Variants in CCAR1 observed in about 807,000 individuals in gnomAD.
CCAR1 encodes the protein cell division cycle and apoptosis regulator 1.
CCAR1 carries 78 observed loss-of-function variants against 163.8 expected under a neutral mutation model. The observed-to-expected ratio is 0.48, with a 90% CI of 0.40 to 0.57. The LOEUF is 0.57. Ranked by LOEUF, CCAR1 falls within the 20% of genes least tolerant of loss-of-function variation. CCAR1 has a pLI of 0.00. For missense variants in CCAR1, 1,019 were observed against 1,365.2 expected, an observed-to-expected ratio of 0.75 and a Z score of 4.00; for synonymous variants, 443 against 460.7, an observed-to-expected ratio of 0.96 and a Z score of 0.49.
intron 6 of CCAR1, among the ~76,000 whole-genome samples, 193 bp downstream of exon 6, chr10:68,742,762 T>C (rs1355158552): frequency 6.6e-6 from 1 of 151,838 alleles, no homozygotes; most frequent in Non-Finnish European, 1.5e-5. Flanking sequence ...ATGACAGGCG[T>C]GCACCACCAC....
chr10:68,736,122 G>A (rs2056106669), intron 2 of CCAR1, among the ~76,000 whole-genome samples: 1 of 151,924 alleles, frequency 6.6e-6, no homozygotes, highest in Non-Finnish European at 1.5e-5. Flanking sequence ...CAGAGTTCTG[G>A]GATTGCAAGC....
chr10:68,748,150 G>A (rs565412662), intron 8 of CCAR1, among the ~76,000 whole-genome samples: 9 of 152,258 alleles, frequency 5.9e-5, no homozygotes, highest in East Asian at 3.9e-4. Context: ...CGCTGCACCC[G>A]GTCCAGACGT....
rs552491855 is a variant in CCAR1, at chr10:68,769,757, C to T, written c.2299-1449C>T. On this transcript the variant is annotated intron_variant, in intron 17 of 24. Coordinates refer to ENST00000265872, the MANE Select transcript of CCAR1 (RefSeq NM_018237.4). ...GAGATCGAGACCATCCTGGCTAACA[C>T]GGTGAAACCTCGTCTCTACTAAAAA... 1.0e-4 allele frequency among the ~76,000 whole-genome samples: 15 copies of T among 150,656 alleles called. No homozygotes were observed. The East Asian group carries it at 1.2e-3, about 12-fold the overall frequency.
At position 68,749,772 on chromosome 10, in the gene CCAR1, G is replaced by C. The variant is rs116343130; in HGVS notation, c.1118+87G>C. ...TGTCACAGAGGTATTTTTCTTGCAA[G>C]ATTGATTTCCCGACAGTTAGTGTTC... On this transcript the variant is annotated intron_variant, in intron 10 of 24. Coordinates refer to ENST00000265872, the MANE Select transcript of CCAR1 (RefSeq NM_018237.4). 714 of 1,191,252 alleles carry C rather than the reference G, an allele frequency of 6.0e-4. 3 individuals carry two copies. The African/African-American group carries it at 9.5e-3, about 16-fold the overall frequency. The allele number at this position is 1,191,252 out of a possible 1,614,324, so 73.8% of individuals were successfully genotyped here.
At chr10:68,721,471 C>G (rs906549884) in intron 1 of CCAR1, 189 bp downstream of exon 1, 3 of 387,520 alleles carry the variant, frequency 7.7e-6, no homozygotes, top group South Asian at 1.8e-5. Context: ...GGAGCAGGCC[C>G]GGCGCGGCCA....
chr10:68,772,905 G>T, intron 18 of CCAR1, 83 bp from the exon 19 acceptor site: 2 of 649,808 alleles, frequency 3.1e-6, no homozygotes, highest in South Asian at 4.4e-5. Flanking sequence ...GAGCCCACGG[G>T]TTGGAGACCA....
chr10:68,748,891 T>G (rs1242338063), intron 8 of CCAR1, among the ~76,000 whole-genome samples: 4 of 152,130 alleles, frequency 2.6e-5, no homozygotes, highest in Non-Finnish European at 4.4e-5. Context: ...TTGCCAGAGC[T>G]GGTGTTGAAC....
Position 68,747,560 on chromosome 10 carries a change from C to A in CCAR1, c.820C>A (p.Gln274Lys). 6.2e-7 allele frequency: 1 copy of A among 1,606,850 alleles called. No homozygotes were observed. Among genetic ancestry groups the A allele is most frequent in the Admixed American group, 1.7e-5 (1 of 58,450 alleles). The part of the protein sequence containing the change: ...QPQPLLQQPQ[Q>K]KAGLLQPPVR... Reference sequence around the variant, plus strand: ...ACAGCCCTTATTACAGCAGCCTCAGCAAAAAGGTATCTTTGCTTTTGTTTC... The same window carrying A: ...ACAGCCCTTATTACAGCAGCCTCAGAAAAAAGGTATCTTTGCTTTTGTTTC... Residue 274 changes from glutamine to lysine, a missense_variant, in exon 8 of 25, where the codon CAA becomes AAA. Gln to Lys is a moderately conservative substitution (Grantham distance 53). Around this residue, in one of 4 missense-constraint regions of CCAR1, gnomAD observed 644 missense variants for 904.4 expected, o/e 0.71. Transcript: ENST00000265872.
chr10:68,731,072 A>G (rs1489014059), intron 2 of CCAR1, among the ~76,000 whole-genome samples: 1 of 152,112 alleles, frequency 6.6e-6, no homozygotes, highest in Non-Finnish European at 1.5e-5. Context: ...ACATAGTGAT[A>G]AGTATCTATT....
At chr10:68,766,280 G>A (rs1488520206) in intron 17 of CCAR1, among the ~76,000 whole-genome samples, 1 of 151,964 alleles carries the variant, frequency 6.6e-6, no homozygotes, top group East Asian at 1.9e-4. Context: ...GTGGCTCACT[G>A]CAACCTCTGT....
chr10:68,749,760 T>C, intron 10 of CCAR1, 75 bp downstream of exon 10: 3 of 1,299,612 alleles, frequency 2.3e-6, no homozygotes, highest in East Asian at 2.3e-5. Context: ...CACAGAGGTA[T>C]TTTTCTTGCA....
intron 8 of CCAR1, 66 bp downstream of exon 8, chr10:68,747,632 T>A: frequency 7.1e-7 from 1 of 1,415,116 alleles, no homozygotes; most frequent in Non-Finnish European, 9.7e-7. Context: ...ACTATGCTTT[T>A]AATTACAAAA....
chr10:68,729,011 C>G (rs1448308830), intron 2 of CCAR1, among the ~76,000 whole-genome samples: 1 of 151,340 alleles, frequency 6.6e-6, no homozygotes, highest in African/African-American at 2.4e-5. Context: ...TAAGCATGTG[C>G]TACATCTGCT....
intron 19 of CCAR1, among the ~76,000 whole-genome samples, chr10:68,777,996 G>A (rs552945307): frequency 1.2e-4 from 18 of 152,192 alleles, no homozygotes; most frequent in African/African-American, 2.2e-4. Context: ...CAAGGCAGGC[G>A]GATCACAAGG....
intron 4 of CCAR1, among the ~76,000 whole-genome samples, chr10:68,739,316 A>C (rs1295678924): frequency 6.6e-6 from 1 of 151,962 alleles, no homozygotes; most frequent in Non-Finnish European, 1.5e-5. Flanking sequence ...GGCCCGCCTA[A>C]TTTTTTCTAT....
intron 11 of CCAR1, 109 bp downstream of exon 11, chr10:68,754,186 C>T (rs751329176): frequency 3.2e-5 from 22 of 677,384 alleles, no homozygotes; most frequent in Non-Finnish European, 5.3e-5. Context: ...ACCCGAATAC[C>T]TGTTTTCTTC....
rs1466134943 is a variant in CCAR1 at position 68,747,527 on chromosome 10, A to G, written c.787A>G (p.Thr263Ala). Residue 263 changes from threonine (T) to alanine (A), a missense_variant, in exon 8 of 25, where the codon ACT (threonine) becomes GCT (alanine). By Grantham distance (58) the Thr-to-Ala change is moderately conservative (BLOSUM62 0). Transcript: ENST00000265872. ...AGCTTCTATTACACCACTATTGCAGACTCAACCACAGCCCTTATTACAGCA... is the reference window on the plus strand; with the variant it reads ...AGCTTCTATTACACCACTATTGCAGGCTCAACCACAGCCCTTATTACAGCA... ...SAASITPLLQ[T>A]QPQPLLQQPQ... 1 of 1,614,058 alleles carries G rather than the reference A, an allele frequency of 6.2e-7. No individual in the cohort carries two copies. The highest frequency in any genetic ancestry group is 1.3e-5 in the African/African-American group (1 of 75,004).
chr10:68,757,800 G>C (rs747629390), intron 15 of CCAR1, among the ~76,000 whole-genome samples: 12 of 148,384 alleles, frequency 8.1e-5, no homozygotes, highest in Non-Finnish European at 1.5e-4. Context: ...AATATATGAG[G>C]GTCTATAGTG....
At chr10:68,729,119 T>C (rs1008496362) in intron 2 of CCAR1, among the ~76,000 whole-genome samples, 7 of 152,202 alleles carry the variant, frequency 4.6e-5, no homozygotes, top group African/African-American at 4.8e-5. Flanking sequence ...TTAATTGTTA[T>C]TAATTTAAAT....
Sources: allele counts gnomAD v4.1 joint callset (sites outside exome capture counted in the v4.1 genomes callset), GRCh38; gene constraint gnomAD v4.1.1; regional missense constraint gnomAD v4.1.1; transcripts MANE v1.5; gene names NCBI Gene and HGNC (gene_info 2026-07-23, HGNC 2026-07-21).